The following RPS6KA5 variants were observed in gnomAD, a reference collection of about 807,000 sequenced individuals.
RPS6KA5 encodes ribosomal protein S6 kinase A5.
RPS6KA5 carries 27 observed loss-of-function variants against 85.5 expected under a neutral mutation model. The observed-to-expected ratio is 0.32, with a 90% CI of 0.23 to 0.44. The LOEUF (loss-of-function observed/expected upper bound fraction) is 0.44, where lower values mean the gene tolerates loss of function less well. Among genes scored for constraint, RPS6KA5 ranks in the 20% least tolerant of loss-of-function variants. The pLI, the probability that RPS6KA5 is intolerant of heterozygous loss-of-function variation, is 1.00. For synonymous variants in RPS6KA5, 334 were observed against 348.2 expected, an observed-to-expected ratio of 0.96 and a Z score of 0.46; for missense variants, 811 against 980.9, an observed-to-expected ratio of 0.83 and a Z score of 2.31.
At chr14:90,940,869 T>G (rs1393446894) in intron 5 of RPS6KA5, among the ~76,000 whole-genome samples, 1 of 152,132 alleles carries the variant, frequency 6.6e-6, no homozygotes, top group Non-Finnish European at 1.5e-5. Flanking sequence ...GGGATCTAGG[T>G]TGCACATTCC....
intron 3 of RPS6KA5, among the ~76,000 whole-genome samples, chr14:90,951,842 A>T (rs1490092701): frequency 6.6e-6 from 1 of 152,196 alleles, no homozygotes; most frequent in Admixed American, 6.5e-5. Context: ...GACCTTTGGA[A>T]ATTGGCTATT....
intron 3 of RPS6KA5, among the ~76,000 whole-genome samples, chr14:90,964,838 C>T (rs2038975604): frequency 6.7e-6 from 1 of 149,390 alleles, no homozygotes; most frequent in African/African-American, 2.5e-5. Context: ...TCATTTGAGC[C>T]CAGGAAGTCA....
At position 91,060,439 on chromosome 14, in the gene RPS6KA5, T is replaced by C; in HGVS notation, c.-5A>G. 1 of 1,462,312 alleles carries C rather than the reference T, an allele frequency of 6.8e-7. No individual in the cohort carries two copies. Among genetic ancestry groups the C allele is most frequent in the Non-Finnish European group, 9.1e-7 (1 of 1,096,748 alleles). 90.6% of individuals were successfully genotyped at this position (1,462,312 alleles called of 1,614,324 possible). On this transcript the variant is annotated 5_prime_UTR_variant, in exon 1 of 17. Coordinates refer to ENST00000614987, the MANE Select transcript of RPS6KA5 (RefSeq NM_004755.4). ...GCTGCCACCCTCCTCCTCCATCTTC[T>C]CCTTTTTTTCCGATCCCGCGGGTCG...
At chr14:91,014,837 T>TA (rs2041416822) in intron 1 of RPS6KA5, among the ~76,000 whole-genome samples, 1 of 152,194 alleles carries the variant, frequency 6.6e-6, no homozygotes, top group African/African-American at 2.4e-5. Context: ...AATAGCACAT[T>TA]ATTTTTTCAT....
intron 8 of RPS6KA5, among the ~76,000 whole-genome samples, chr14:90,903,986 G>A (rs1028934304): frequency 2.7e-5 from 4 of 146,972 alleles, no homozygotes; most frequent in Admixed American, 2.1e-4. Context: ...TCGCTCTGTC[G>A]CCCAGGCTGG....
rs11380703 is a variant in RPS6KA5 at position 90,899,302 on chromosome 14, GAAAA to G, written c.1473+23_1473+26del. 5.6e-4 allele frequency: 722 copies of G among 1,278,670 alleles called. 2 individuals carry two copies. Among genetic ancestry groups the G allele is most frequent in the South Asian group, 1.0e-3 (75 of 75,356 alleles). 79.2% of individuals were successfully genotyped at this position (1,278,670 alleles called of 1,614,324 possible). Reference sequence around the variant, plus strand: ...CCTGTAAGTGAATTAGTACACATGGGAAAAAAAAAAAAAAAAAGTAGGATACCTG... The same window carrying G: ...CCTGTAAGTGAATTAGTACACATGGGAAAAAAAAAAAAAGTAGGATACCTG... On this transcript the variant is annotated intron_variant, in intron 12 of 16. Coordinates refer to ENST00000614987, the MANE Select transcript of RPS6KA5 (RefSeq NM_004755.4).
chr14:90,944,087 G>C (rs1022983293), intron 4 of RPS6KA5, among the ~76,000 whole-genome samples: 3 of 152,088 alleles, frequency 2.0e-5, no homozygotes, highest in African/African-American at 7.2e-5. Context: ...GTTTTACTTT[G>C]CATTTATAAA....
chr14:91,024,239 AT>A (rs1050251109), intron 1 of RPS6KA5, among the ~76,000 whole-genome samples: 1 of 151,040 alleles, frequency 6.6e-6, no homozygotes, highest in African/African-American at 2.4e-5. Context: ...TGTCATTGTC[AT>A]TTTTTTTCCA....
chr14:90,912,904 C>CTTT (rs57029403), intron 7 of RPS6KA5, among the ~76,000 whole-genome samples: 2,767 of 53,212 alleles, frequency 0.052, 243 homozygotes, highest in African/African-American at 0.063. Flanking sequence ...CATAAAGCAT[C>CTTT]TTTTTTTTTT....
intron 5 of RPS6KA5, among the ~76,000 whole-genome samples, chr14:90,936,642 A>G (rs1275877608): frequency 6.6e-6 from 1 of 152,174 alleles, no homozygotes; most frequent in African/African-American, 2.4e-5. Flanking sequence ...GAGGGTAAGG[A>G]ATTTGTTATG....
intron 3 of RPS6KA5, 56 bp downstream of exon 3, chr14:90,978,250 C>T (rs1395332807): frequency 1.5e-6 from 2 of 1,349,988 alleles, no homozygotes; most frequent in Admixed American, 2.1e-5. Flanking sequence ...TACATTATAA[C>T]TTAAGACCCA....
chr14:90,911,076 A>G (rs1017634545), intron 7 of RPS6KA5, among the ~76,000 whole-genome samples: 2 of 152,026 alleles, frequency 1.3e-5, no homozygotes, highest in Non-Finnish European at 2.9e-5. Flanking sequence ...CATTACCCCC[A>G]TACTCCTTAT....
At chr14:91,057,229 G>A (rs1347959220) in intron 1 of RPS6KA5, among the ~76,000 whole-genome samples, 2 of 151,998 alleles carry the variant, frequency 1.3e-5, no homozygotes, top group East Asian at 1.9e-4. Context: ...TTCAAGAAAT[G>A]TATGTTTAAG....
In RPS6KA5 at chr14:90,854,753, T is replaced by G. The variant is rs893194634; in HGVS notation, c.*17321A>C. The G allele has an allele frequency of 6.6e-6, 1 of 152,212 alleles. No individual in the cohort carries two copies. Among genetic ancestry groups the G allele is most frequent in the African/African-American group, 2.4e-5 (1 of 41,462 alleles). 9.4% of individuals were successfully genotyped at this position (152,212 alleles called of 1,614,324 possible). ...TTAAAAATATGTACAACTAGACTAA[T>G]GATGCCAAATACTTACACAAGTTCA... On this transcript the variant is annotated 3_prime_UTR_variant, in exon 17 of 17. Coordinates refer to ENST00000614987, the MANE Select transcript of RPS6KA5 (RefSeq NM_004755.4).
intron 1 of RPS6KA5, among the ~76,000 whole-genome samples, chr14:91,034,904 C>G (rs2042337731): frequency 6.6e-6 from 1 of 150,564 alleles, no homozygotes; most frequent in Admixed American, 6.6e-5. Flanking sequence ...TTAGTGGGCA[C>G]ATAGTATGTA....
rs750838914 is a variant in RPS6KA5 at position 90,890,664 on chromosome 14, G to A, written c.1659C>T (p.Thr553=). ...TAATTTCCAAATTGTCATTTTCATC[G>A]GTGAACAATAAATTCTGCAAGATAT... The part of the protein sequence containing the change: ...RDLKPENLLF[T]DENDNLEIKI... Residue 553 remains threonine, a synonymous_variant, in exon 14 of 17, where the codon ACC becomes ACT. Coordinates refer to ENST00000614987, the MANE Select transcript of RPS6KA5 (RefSeq NM_004755.4). 41 of 1,613,158 alleles carry A rather than the reference G, an allele frequency of 2.5e-5. No individual in the cohort carries two copies. The highest frequency in any genetic ancestry group is 2.3e-4 in the Admixed American group (14 of 59,892).
rs2031967297 is a variant in RPS6KA5, at chr14:90,850,909, G to C, written c.*21165C>G. The C allele has an allele frequency of 6.6e-6, 1 of 152,184 alleles. No homozygotes were observed. The highest frequency in any genetic ancestry group is 1.5e-5 in the Non-Finnish European group (1 of 68,044). The allele number at this position is 152,184 out of a possible 1,614,324, so 9.4% of individuals were successfully genotyped here. A position where few individuals can be genotyped will look rare whatever the true frequency, so the allele number is the denominator to read the frequency against. ...TTTTAAACCCACACTCAGACCGACA[G>C]TGTACACCATAAATTTGTACTAGAA... On this transcript the variant is annotated 3_prime_UTR_variant, in exon 17 of 17. Coordinates refer to ENST00000614987, the MANE Select transcript of RPS6KA5 (RefSeq NM_004755.4).
intron 3 of RPS6KA5, among the ~76,000 whole-genome samples, chr14:90,974,954 C>T (rs138082421): frequency 4.1e-4 from 63 of 152,200 alleles, no homozygotes; most frequent in African/African-American, 1.3e-3. Context: ...ATATCATTAA[C>T]GGAAAGATCT....
At position 90,863,831 on chromosome 14, in the gene RPS6KA5, C is replaced by G. The variant is rs1464265034; in HGVS notation, c.*8243G>C. 6.6e-6 allele frequency: 1 copy of G among 152,146 alleles called. No homozygotes were observed. Among genetic ancestry groups the G allele is most frequent in the Non-Finnish European group, 1.5e-5 (1 of 68,022 alleles). 9.4% of individuals were successfully genotyped at this position (152,146 alleles called of 1,614,324 possible). A position where few individuals can be genotyped will look rare whatever the true frequency, so the allele number is the denominator to read the frequency against. The stretch of plus-strand genomic sequence containing the variant: ...TTCTCCTGAAATTGATTTATACATT[C>G]AATGCAATACCAATTAAACCCTAAC... On this transcript the variant is annotated 3_prime_UTR_variant, in exon 17 of 17. Transcript: ENST00000614987.
Sources: gnomAD v4.1 joint callset for allele counts (sites outside exome capture counted in the v4.1 genomes callset) on GRCh38, gnomAD v4.1.1 for gene constraint, MANE v1.5 for transcripts, NCBI Gene and HGNC (gene_info 2026-07-23, HGNC 2026-07-21) for gene names.